XKR3: variants seen among roughly 807,000 people sequenced by gnomAD.
The protein encoded by XKR3 is XK-related protein 3.
In XKR3, 27 loss-of-function variants were observed where a neutral mutation model predicts 40.3. That is an observed-to-expected ratio of 0.67 (90% CI 0.49 to 0.92). The LOEUF is 0.92. Ranked by LOEUF, XKR3 falls within the 40% of genes least tolerant of loss-of-function variation. XKR3 has a pLI of 0.00. For synonymous variants in XKR3, 193 were observed against 195.4 expected, an observed-to-expected ratio of 0.99 and a Z score of 0.10; for missense variants, 472 against 537.6, an observed-to-expected ratio of 0.88 and a Z score of 1.21.
intron 1 of XKR3, among the ~76,000 whole-genome samples, chr22:16,809,234 C>A (rs1355814744): frequency 6.6e-6 from 1 of 151,994 alleles, no homozygotes; most frequent in Non-Finnish European, 1.5e-5. Context: ...TAAATCACAC[C>A]TTTATCTATA....
At chr22:16,824,636 G>A (rs2060267354) in intron 1 of XKR3, among the ~76,000 whole-genome samples, 1 of 152,016 alleles carries the variant, frequency 6.6e-6, no homozygotes, top group Admixed American at 6.6e-5. Context: ...CTCAGGATAG[G>A]GGAAAAATAC....
At chr22:16,795,029 A>C (rs2060134725) in intron 3 of XKR3, among the ~76,000 whole-genome samples, 1 of 152,246 alleles carries the variant, frequency 6.6e-6, no homozygotes, top group Admixed American at 6.5e-5. Flanking sequence ...TCTGGACTTA[A>C]ACTCAACACT....
intron 2 of XKR3, among the ~76,000 whole-genome samples, chr22:16,806,485 T>TA (rs1210478133): frequency 6.6e-6 from 1 of 151,106 alleles, no homozygotes; most frequent in Non-Finnish European, 1.5e-5. Flanking sequence ...TTTTTTTTTT[T>TA]TTGACAGAGT....
chr22:16,797,533 C>T (rs2060146625), intron 3 of XKR3, among the ~76,000 whole-genome samples: 1 of 152,156 alleles, frequency 6.6e-6, no homozygotes, highest in East Asian at 1.9e-4. Context: ...TGGCTCGCGC[C>T]TGTAATCCCA....
At chr22:16,793,250 G>A (rs1405533930) in intron 3 of XKR3, among the ~76,000 whole-genome samples, 2 of 152,224 alleles carry the variant, frequency 1.3e-5, no homozygotes, top group African/African-American at 4.8e-5. Context: ...GACCTCAGGT[G>A]ATCTGTCCGC....
rs1445322240 is a variant in XKR3 at position 16,807,950 on chromosome 22, C to CA, written c.123dup (p.Val42CysfsTer6). ...AAGGCAACCTCACCACAGTAGAGAA[C>CA]AGTTGAGAAGATAATGCTAAAAGGA... On this transcript the variant is annotated frameshift_variant, in exon 2 of 4. Transcript: ENST00000684488. LOFTEE classifies it high-confidence loss of function. 3 of 1,613,876 alleles carry CA rather than the reference C, an allele frequency of 1.9e-6. No individual in the cohort carries two copies. The African/African-American group carries it at 4.0e-5, about 22-fold the overall frequency.
intron 2 of XKR3, among the ~76,000 whole-genome samples, chr22:16,800,587 TA>T (rs1008821160): frequency 1.3e-5 from 2 of 152,098 alleles, no homozygotes; most frequent in African/African-American, 4.8e-5. Context: ...GACAGCAGTC[TA>T]AAAAAACTCA....
intron 1 of XKR3, among the ~76,000 whole-genome samples, chr22:16,819,601 A>G (rs147933003): frequency 6.6e-6 from 1 of 152,336 alleles, no homozygotes; most frequent in African/African-American, 2.4e-5. Flanking sequence ...CCCTACAGAA[A>G]TTAATGCAAA....
At chr22:16,791,959 G>A (rs1425574561) in intron 3 of XKR3, among the ~76,000 whole-genome samples, 4 of 151,704 alleles carry the variant, frequency 2.6e-5, no homozygotes, top group African/African-American at 9.7e-5. Flanking sequence ...GTTGTTGGAG[G>A]GGATGGAGGT....
chr22:16,824,820 T>A (rs1569046368), intron 1 of XKR3, among the ~76,000 whole-genome samples: 1 of 152,154 alleles, frequency 6.6e-6, no homozygotes, highest in Non-Finnish European at 1.5e-5. Context: ...TATGCACATA[T>A]GAAAAGGGCC....
At chr22:16,786,196 G>A (rs2060090096) in intron 3 of XKR3, among the ~76,000 whole-genome samples, 1 of 151,754 alleles carries the variant, frequency 6.6e-6, no homozygotes, top group African/African-American at 2.4e-5. Flanking sequence ...GATCACTAGA[G>A]CCCAGGAGTT....
chr22:16,783,582 C>T lies in XKR3; in HGVS notation c.*37G>A. On this transcript the variant is annotated 3_prime_UTR_variant, in exon 4 of 4. Transcript: ENST00000684488. ...CCTCTTAACAAGTCACATTCAGCATCTTTACTCATTGTTCTGTGAAAGTAT... is the reference window on the plus strand; with the variant it reads ...CCTCTTAACAAGTCACATTCAGCATTTTTACTCATTGTTCTGTGAAAGTAT... 1 of 1,469,808 alleles carries T rather than the reference C, an allele frequency of 6.8e-7. No individual in the cohort carries two copies. Among genetic ancestry groups the T allele is most frequent in the Non-Finnish European group, 9.1e-7 (1 of 1,102,026 alleles). 91.0% of individuals were successfully genotyped at this position (1,469,808 alleles called of 1,614,324 possible). A position where few individuals can be genotyped will look rare whatever the true frequency, so the allele number is the denominator to read the frequency against.
intron 3 of XKR3, among the ~76,000 whole-genome samples, chr22:16,789,848 A>G (rs2060106567): frequency 6.6e-6 from 1 of 152,240 alleles, no homozygotes; most frequent in Non-Finnish European, 1.5e-5. Context: ...CTGATATTCT[A>G]CAGAGATGCC....
At chr22:16,794,246 G>A (rs1321346591) in intron 3 of XKR3, among the ~76,000 whole-genome samples, 1 of 152,018 alleles carries the variant, frequency 6.6e-6, no homozygotes, top group Non-Finnish European at 1.5e-5. Flanking sequence ...AAGGCACATA[G>A]TCATCAGATT....
chr22:16,795,572 T>C (rs1227000545), intron 3 of XKR3, among the ~76,000 whole-genome samples: 3 of 151,876 alleles, frequency 2.0e-5, no homozygotes, highest in Non-Finnish European at 1.5e-5. Context: ...GAAACTGAGA[T>C]GCAAAATAAA....
At chr22:16,800,916 A>G (rs971379612) in intron 2 of XKR3, among the ~76,000 whole-genome samples, 2 of 152,212 alleles carry the variant, frequency 1.3e-5, no homozygotes, top group Non-Finnish European at 2.9e-5. Flanking sequence ...AAAAAGAACC[A>G]ACAGAATCTC....
chr22:16,790,550 A>G (rs2060111055), intron 3 of XKR3, among the ~76,000 whole-genome samples: 1 of 152,140 alleles, frequency 6.6e-6, no homozygotes. Flanking sequence ...GTGGCCCATT[A>G]GAGGCTACAG....
chr22:16,810,831 C>T (rs781690918), intron 1 of XKR3, among the ~76,000 whole-genome samples: 4 of 152,264 alleles, frequency 2.6e-5, no homozygotes, highest in Middle Eastern at 6.8e-3. Flanking sequence ...TTTTCTTGGT[C>T]AGGGCCCCAA....
At chr22:16,807,696 T>C in intron 2 of XKR3, 43 bp downstream of exon 2, 1 of 1,471,454 alleles carries the variant, frequency 6.8e-7, no homozygotes, top group Non-Finnish European at 9.2e-7. Flanking sequence ...ATATTCAATT[T>C]ACTTGTTGGA....
Sources: allele counts gnomAD v4.1 joint callset (sites outside exome capture counted in the v4.1 genomes callset), GRCh38; gene constraint gnomAD v4.1.1; transcripts MANE v1.5; gene names NCBI Gene and HGNC (gene_info 2026-07-23, HGNC 2026-07-21).